Variants in SH3RF3 observed in about 807,000 individuals in gnomAD.
SH3RF3 encodes SH3 domain containing ring finger 3, also known as E3 ubiquitin-protein ligase SH3RF3.
A neutral mutation model predicts 66.3 loss-of-function variants in SH3RF3; 29 were observed. The observed-to-expected ratio is 0.44, with a 90% confidence interval of 0.33 to 0.60. The LOEUF (loss-of-function observed/expected upper bound fraction) is 0.60. SH3RF3 is among the 20% of genes least tolerant of loss of function. SH3RF3 has a pLI of 0.04. For missense variants in SH3RF3, 1,194 were observed against 1,190.9 expected (o/e 1.00, Z -0.04); for synonymous variants, 583 against 532.0 (o/e 1.10, Z -1.32).
intron 4 of SH3RF3, among the ~76,000 whole-genome samples, chr2:109,400,739 CGGCTGA>C (rs1162975668): frequency 6.6e-6 from 1 of 152,184 alleles, no homozygotes; most frequent in Non-Finnish European, 1.5e-5. Context: ...CTCTCATCGG[CGGCTGA>C]GGCTGAGGTC....
At chr2:109,270,605 C>T (rs1276932102) in intron 1 of SH3RF3, among the ~76,000 whole-genome samples, 1 of 152,110 alleles carries the variant, frequency 6.6e-6, no homozygotes, top group Non-Finnish European at 1.5e-5. Context: ...CCCAGGAGGC[C>T]ACGGGTGCAG....
intron 1 of SH3RF3, among the ~76,000 whole-genome samples, chr2:109,334,682 C>T (rs1406348348): frequency 6.6e-6 from 1 of 152,166 alleles, no homozygotes; most frequent in Non-Finnish European, 1.5e-5. Flanking sequence ...GGAAAGGAGA[C>T]CCACAGACAC....
chr2:109,344,869 G>A (rs920496321), intron 1 of SH3RF3, among the ~76,000 whole-genome samples: 9 of 152,166 alleles, frequency 5.9e-5, no homozygotes, highest in Non-Finnish European at 1.2e-4. Flanking sequence ...CAGCAGAGCC[G>A]TCAAGCAGGC....
At chr2:109,238,449 TTG>T (rs56112018) in intron 1 of SH3RF3, among the ~76,000 whole-genome samples, 25,009 of 142,052 alleles carry the variant, frequency 0.18, 2,216 homozygotes, top group Middle Eastern at 0.29. Flanking sequence ...TTATGTATAT[TTG>T]TGTGTGTGTG....
At chr2:109,315,113 A>G (rs559767267) in intron 1 of SH3RF3, among the ~76,000 whole-genome samples, 1 of 152,338 alleles carries the variant, frequency 6.6e-6, no homozygotes, top group Non-Finnish European at 1.5e-5. Flanking sequence ...CTGCTCCACA[A>G]TAATGAAGAA....
At chr2:109,218,047 C>T (rs777533362) in intron 1 of SH3RF3, among the ~76,000 whole-genome samples, 6 of 152,088 alleles carry the variant, frequency 3.9e-5, no homozygotes, top group Admixed American at 6.6e-5. Context: ...AAGCAAGTGG[C>T]AGACAGCTGC....
At chr2:109,389,287 C>T (rs970855531) in intron 3 of SH3RF3, among the ~76,000 whole-genome samples, 1 of 152,222 alleles carries the variant, frequency 6.6e-6, no homozygotes, top group Non-Finnish European at 1.5e-5. Context: ...ATCAGGTTCA[C>T]ACCCTGTGCA....
chr2:109,404,471 C>G (rs1676395387), intron 4 of SH3RF3, among the ~76,000 whole-genome samples: 1 of 152,126 alleles, frequency 6.6e-6, no homozygotes, highest in South Asian at 2.1e-4. Flanking sequence ...GGGGCAGGGA[C>G]AGGGGACAGA....
At chr2:109,410,376 CA>C (rs1676557015) in intron 4 of SH3RF3, among the ~76,000 whole-genome samples, 1 of 152,248 alleles carries the variant, frequency 6.6e-6, no homozygotes, top group Admixed American at 6.5e-5. Flanking sequence ...GGGCACTGCA[CA>C]GTCAGACTGA....
At chr2:109,460,891 T>C (rs1678192650) in intron 8 of SH3RF3, among the ~76,000 whole-genome samples, 1 of 152,220 alleles carries the variant, frequency 6.6e-6, no homozygotes, top group South Asian at 2.1e-4. Context: ...CCTTCACTGC[T>C]GTCCCTCAGG....
intron 1 of SH3RF3, among the ~76,000 whole-genome samples, chr2:109,211,813 T>C (rs1678988307): frequency 6.6e-6 from 1 of 152,064 alleles, no homozygotes; most frequent in Non-Finnish European, 1.5e-5. Flanking sequence ...CAGCTATTTT[T>C]TGTATTTTTA....
chr2:109,249,233 C>T (rs1336969864), intron 1 of SH3RF3, among the ~76,000 whole-genome samples: 1 of 152,226 alleles, frequency 6.6e-6, no homozygotes, highest in African/African-American at 2.4e-5. Context: ...GACTCCTACC[C>T]TGTTCTTTCT....
At chr2:109,196,728 G>A (rs568641686) in intron 1 of SH3RF3, among the ~76,000 whole-genome samples, 1 of 152,282 alleles carries the variant, frequency 6.6e-6, no homozygotes, top group South Asian at 2.1e-4. Flanking sequence ...CCCGGAGGAG[G>A]GAGCTGCACC....
intron 8 of SH3RF3, among the ~76,000 whole-genome samples, chr2:109,482,001 G>A (rs1678848692): frequency 6.6e-6 from 1 of 152,234 alleles, no homozygotes; most frequent in African/African-American, 2.4e-5. Context: ...TTCTAGGGAT[G>A]CCTTCCAGTT....
chr2:109,312,945 A>G (rs991586028), intron 1 of SH3RF3, among the ~76,000 whole-genome samples: 5 of 152,122 alleles, frequency 3.3e-5, no homozygotes, highest in African/African-American at 1.2e-4. Context: ...GAGCCGCCCT[A>G]TGTTTTCCAC....
intron 4 of SH3RF3, among the ~76,000 whole-genome samples, chr2:109,400,356 A>G (rs1031946127): frequency 1.3e-5 from 2 of 152,012 alleles, no homozygotes; most frequent in Non-Finnish European, 2.9e-5. Flanking sequence ...ACTTACATAC[A>G]CCGCCATCCA....
At chr2:109,265,536 G>A (rs1680468165) in intron 1 of SH3RF3, among the ~76,000 whole-genome samples, 1 of 152,174 alleles carries the variant, frequency 6.6e-6, no homozygotes, top group Admixed American at 6.5e-5. Context: ...GTATAGGCTG[G>A]GGTCCCTGCA....
In SH3RF3 at chr2:109,398,776, A is replaced by G. The variant is rs779511360; in HGVS notation, c.1132A>G (p.Lys378Glu). The change falls in exon 4 of 10, where the codon AAA becomes GAA. Residue 378 changes from lysine (K) to glutamate (E), a missense_variant. Physicochemically the swap from Lys to Glu is moderately conservative, Grantham distance 56. Coordinates refer to ENST00000309415, the MANE Select transcript of SH3RF3 (RefSeq NM_001099289.3). ...RRVDGKKNTK[K>E]RHSFTALSVT... The stretch of plus-strand genomic sequence containing the variant: ...TGTGGATGGCAAGAAGAACACCAAG[A>G]AACGCCACTCCTTCACCGCGCTCAG... The G allele has an allele frequency of 1.9e-6, 3 of 1,613,782 alleles. No individual in the cohort carries two copies. The Admixed American group carries it at 5.0e-5, about 27-fold the overall frequency.
intron 8 of SH3RF3, among the ~76,000 whole-genome samples, chr2:109,451,496 G>A (rs1480803682): frequency 4.6e-5 from 7 of 152,168 alleles, no homozygotes; most frequent in African/African-American, 1.4e-4. Context: ...AATGGGACTG[G>A]CTTCAATAAT....
Sources: allele counts gnomAD v4.1 joint callset (sites outside exome capture counted in the v4.1 genomes callset), GRCh38; gene constraint gnomAD v4.1.1; transcripts MANE v1.5; gene names NCBI Gene and HGNC (gene_info 2026-07-23, HGNC 2026-07-21).